BTN3A3: variants seen among roughly 807,000 people sequenced by gnomAD.
The protein encoded by BTN3A3 is butyrophilin subfamily 3 member A3.
Under a neutral mutation model 43.2 loss-of-function variants are expected in BTN3A3, and 39 were observed. That is an observed-to-expected ratio of 0.90 (90% CI 0.70 to 1.18). The LOEUF is 1.18. BTN3A3 is among the 50% of genes most tolerant of loss of function. The pLI, the probability that BTN3A3 is intolerant of heterozygous loss-of-function variation, is 0.00. For missense variants in BTN3A3, 631 were observed against 722.8 expected, an observed-to-expected ratio of 0.87 and a Z score of 1.46; for synonymous variants, 255 against 272.7, an observed-to-expected ratio of 0.93 and a Z score of 0.64.
chr6:26,450,185 C>G (rs1307168890), intron 10 of BTN3A3, 52 bp downstream of exon 10: 2 of 1,578,328 alleles, frequency 1.3e-6, no homozygotes, highest in Admixed American at 3.4e-5. Context: ...GGACTATATT[C>G]CTTTCTCCTC....
In BTN3A3 at chr6:26,444,061, G is replaced by A. The variant is rs755160318; in HGVS notation, c.190G>A (p.Glu64Lys). The stretch of plus-strand genomic sequence containing the variant: ...CCCGACCATGAGTGCAGAGACCATG[G>A]AGCTGAGGTGGGTGAGTTCCAGCCT... ...LFPTMSAETMELRWVSSSLRQ... is the reference protein window; with the variant it reads ...LFPTMSAETMKLRWVSSSLRQ... The change falls in exon 4 of 11, where the codon GAG (glutamate) becomes AAG (lysine). Residue 64 changes from glutamate (E) to lysine (K), a missense_variant. This residue lies in a region of BTN3A3 where 80 missense variants were observed against 138.7 expected (regional missense o/e 0.58). Coordinates refer to ENST00000244519, the MANE Select transcript of BTN3A3 (RefSeq NM_006994.5). 3 of 1,613,998 alleles carry A rather than the reference G, an allele frequency of 1.9e-6. No individual in the cohort carries two copies. The highest frequency in any genetic ancestry group is 1.1e-5 in the South Asian group (1 of 91,082).
chr6:26,452,543 C>A lies in BTN3A3; in HGVS notation c.*132C>A. ...CAAAGTAGACATGACAAGTGAACAG[C>A]AGAGCTGGGATCTAAACAGCAATAA... On this transcript the variant is annotated 3_prime_UTR_variant, in exon 11 of 11. Transcript: ENST00000244519. The A allele has an allele frequency of 1.3e-6, 1 of 762,622 alleles. No homozygotes were observed. Among genetic ancestry groups the A allele is most frequent in the Non-Finnish European group, 2.1e-6 (1 of 486,272 alleles). 47.2% of individuals were successfully genotyped at this position (762,622 alleles called of 1,614,324 possible).
chr6:26,450,207 G>A (rs1220490325), intron 10 of BTN3A3, 74 bp downstream of exon 10: 9 of 1,543,424 alleles, frequency 5.8e-6, no homozygotes, highest in Non-Finnish European at 8.0e-6. Flanking sequence ...TCCAACTCTT[G>A]TGATTTAGGG....
intron 4 of BTN3A3, 96 bp downstream of exon 4, chr6:26,444,400 G>A: frequency 2.5e-6 from 4 of 1,585,262 alleles, no homozygotes; most frequent in Non-Finnish European, 3.4e-6. Context: ...ACTCCTGGCT[G>A]CTCACTAGCA....
chr6:26,449,736 A>G (rs1376158887), intron 9 of BTN3A3, 48 bp downstream of exon 9: 2 of 1,608,782 alleles, frequency 1.2e-6, no homozygotes, highest in African/African-American at 2.7e-5. Flanking sequence ...TGTACAATGA[A>G]CATTTCAACT....
chr6:26,452,018 TC>T lies in BTN3A3; in HGVS notation c.1364del (p.Pro455LeufsTer48), dbSNP rs753578118. The T allele has an allele frequency of 1.4e-5, 22 of 1,614,062 alleles. No individual in the cohort carries two copies. In the Admixed American group the frequency reaches 2.2e-4, roughly 16 times the overall value. On this transcript the variant is annotated frameshift_variant, in exon 11 of 11. Transcript: ENST00000244519. LOFTEE classifies it low-confidence loss of function (END_TRUNC). ...LTEPRTNLKL[P>X]EPPRKVGIFL... is the part of the protein sequence containing the mutation. ...CTGAGCCCAGAACCAACCTGAAACT[TC>T]CTGAGCCTCCTAGGAAAGTGGGGAT...
At position 26,451,810 on chromosome 6, in the gene BTN3A3, T is replaced by A. The variant is rs1474865808; in HGVS notation, c.1154T>A (p.Leu385His). The change falls in exon 11 of 11, where the codon CTT becomes CAT. Residue 385 changes from leucine to histidine, a missense_variant. Leu to His is a moderately conservative substitution (Grantham distance 99, BLOSUM62 -3). Coordinates refer to ENST00000244519, the MANE Select transcript of BTN3A3 (RefSeq NM_006994.5). ...AGATTTGAATGGCGTTACTGTGTCC[T>A]TGGCTGTGAAAACTTCACATCAGGG... ...PERFEWRYCVLGCENFTSGRH... is the reference protein window; with the variant it reads ...PERFEWRYCVHGCENFTSGRH... 5.6e-6 allele frequency: 9 copies of A among 1,613,910 alleles called. No homozygotes were observed. Among genetic ancestry groups the A allele is most frequent in the Non-Finnish European group, 6.8e-6 (8 of 1,179,914 alleles).
intron 8 of BTN3A3, 56 bp downstream of exon 8, chr6:26,448,810 T>C: frequency 6.2e-7 from 1 of 1,607,554 alleles, no homozygotes; most frequent in Admixed American, 1.7e-5. Flanking sequence ...GACTCTCTTC[T>C]GCTTGGAAAT....
At chr6:26,442,287 C>T (rs1040502784) in intron 1 of BTN3A3, among the ~76,000 whole-genome samples, 1 of 152,166 alleles carries the variant, frequency 6.6e-6, no homozygotes, top group Admixed American at 6.5e-5. Context: ...TATTATCACT[C>T]ATAATAATTA....
chr6:26,449,633 G>C lies in BTN3A3; in HGVS notation c.965-29G>C, dbSNP rs768700194. 1.9e-6 allele frequency: 3 copies of C among 1,613,876 alleles called. No homozygotes were observed. The Admixed American group carries it at 5.0e-5, about 27-fold the overall frequency. ...CCAACAGAGCAAAGGCAGTGTTCAG[G>C]TGACACCTCTATCTTTCTTTCATTG... On this transcript the variant is annotated intron_variant, in intron 8 of 10. Coordinates refer to ENST00000244519, the MANE Select transcript of BTN3A3 (RefSeq NM_006994.5).
chr6:26,451,370 T>G (rs1410247353), intron 10 of BTN3A3, among the ~76,000 whole-genome samples: 2 of 152,130 alleles, frequency 1.3e-5, no homozygotes, highest in Non-Finnish European at 2.9e-5. Context: ...GTATAAGGCA[T>G]TAGGGGGCAG....
Position 26,452,606 on chromosome 6 carries a change from G to C in BTN3A3, c.*195G>C. ...GAGAATTTAAAATGTTCTTAGTGCT[G>C]TGTTATAAGCTTTGGTGGATGTCAC... is the stretch of plus-strand genomic sequence containing the variant. On this transcript the variant is annotated 3_prime_UTR_variant, in exon 11 of 11. Coordinates refer to ENST00000244519, the MANE Select transcript of BTN3A3 (RefSeq NM_006994.5). 1 of 585,988 alleles carries C rather than the reference G, an allele frequency of 1.7e-6. No homozygotes were observed. 36.3% of individuals were successfully genotyped at this position (585,988 alleles called of 1,614,324 possible).
intron 9 of BTN3A3, 95 bp from the exon 10 acceptor site, chr6:26,450,012 A>G: frequency 7.2e-7 from 1 of 1,389,456 alleles, no homozygotes; most frequent in Non-Finnish European, 1.0e-6. Flanking sequence ...GAGACTCTGA[A>G]GAAAAGGAGA....
chr6:26,443,490 G>A lies in BTN3A3; in HGVS notation c.-6+48G>A, dbSNP rs1762692949. 1.9e-6 allele frequency: 3 copies of A among 1,600,712 alleles called. No individual in the cohort carries two copies. The Admixed American group carries it at 5.1e-5, about 27-fold the overall frequency. On this transcript the variant is annotated intron_variant, in intron 2 of 10. Coordinates refer to ENST00000244519, the MANE Select transcript of BTN3A3 (RefSeq NM_006994.5). ...TACTTGAGTTAGCCCTGGGGAAGTG[G>A]ACATTTCCATGCAGAAGCCTAAAGC...
rs759562414 is a variant in BTN3A3, at chr6:26,448,374, C to T, written c.842C>T (p.Ser281Phe). 3.1e-6 allele frequency: 5 copies of T among 1,613,798 alleles called. No homozygotes were observed. The East Asian group carries it at 1.1e-4, about 36-fold the overall frequency. ...WRQQKEKIAL[S>F]RETEREREMK... Reference sequence around the variant, plus strand: ...CAACAGAAGGAAAAAATTGCTCTGTCCAGGGAGACAGAAAGAGAGCGAGAG... The same window carrying T: ...CAACAGAAGGAAAAAATTGCTCTGTTCAGGGAGACAGAAAGAGAGCGAGAG... Residue 281 changes from serine (S) to phenylalanine (F), a missense_variant, in exon 6 of 11, where the codon TCC becomes TTC. Coordinates refer to ENST00000244519, the MANE Select transcript of BTN3A3 (RefSeq NM_006994.5).
chr6:26,446,827 C>T (rs1303514443), intron 5 of BTN3A3, among the ~76,000 whole-genome samples: 1 of 152,090 alleles, frequency 6.6e-6, no homozygotes, highest in African/African-American at 2.4e-5. Context: ...CTCCTGGGTT[C>T]GAGAGAGCCT....
chr6:26,450,238 A>G (rs1247661190), intron 10 of BTN3A3, 105 bp downstream of exon 10: 7 of 1,411,554 alleles, frequency 5.0e-6, no homozygotes, highest in African/African-American at 1.4e-5. Context: ...CCCTTGACTA[A>G]GAAAGTTTGG....
Position 26,444,322 on chromosome 6 carries a change from G to T in BTN3A3, c.433+18G>T, listed in dbSNP as rs775263723. 6 of 1,612,016 alleles carry T rather than the reference G, an allele frequency of 3.7e-6. No individual in the cohort carries two copies. Among genetic ancestry groups the T allele is most frequent in the Non-Finnish European group, 4.2e-6 (5 of 1,179,854 alleles). ...GGTTGCAGGTGAGCCTCCAGGTTTT[G>T]TTCTGAGAACACTTCTCTGTAGGAT... On this transcript the variant is annotated intron_variant, in intron 4 of 10. Coordinates refer to ENST00000244519, the MANE Select transcript of BTN3A3 (RefSeq NM_006994.5).
At chr6:26,448,126 A>C in intron 5 of BTN3A3, 122 bp from the exon 6 acceptor site, 1 of 1,162,320 alleles carries the variant, frequency 8.6e-7, no homozygotes, top group Non-Finnish European at 1.2e-6. Context: ...CAGAACGCTT[A>C]TTTAACCTCA....
Sources: allele counts gnomAD v4.1 joint callset (sites outside exome capture counted in the v4.1 genomes callset), GRCh38; gene constraint gnomAD v4.1.1; regional missense constraint gnomAD v4.1.1; transcripts MANE v1.5; gene names NCBI Gene and HGNC (gene_info 2026-07-23, HGNC 2026-07-21).